The following DET1 variants were observed in gnomAD, a reference collection of about 807,000 sequenced individuals.
DET1 encodes DET1 partner of COP1 E3 ubiquitin ligase, also known as DET1 homolog.
Under a neutral mutation model 43.7 loss-of-function variants are expected in DET1, and 22 were observed. The ratio of observed to expected loss-of-function variants is 0.50; its 90% CI spans 0.36 to 0.72. The LOEUF is 0.72. Ranked by LOEUF, DET1 falls within the 30% of genes least tolerant of loss-of-function variation. The probability of loss-of-function intolerance (pLI) is 0.00; values close to 1 mark genes in which losing one functional copy is unlikely to be tolerated. For synonymous variants in DET1, 315 were observed against 266.2 expected (o/e 1.18, Z -1.79); for missense variants, 713 against 713.3 (o/e 1.00, Z 0.00).
intron 1 of DET1, among the ~76,000 whole-genome samples, chr15:88,534,930 T>A (rs1430972399): frequency 1.3e-5 from 2 of 152,152 alleles, no homozygotes; most frequent in Non-Finnish European, 2.9e-5. Flanking sequence ...TATGAAGTAC[T>A]AGGAAAAAAC....
intron 4 of DET1, among the ~76,000 whole-genome samples, chr15:88,515,511 C>G (rs1034350989): frequency 8.4e-6 from 1 of 119,094 alleles, no homozygotes; most frequent in Non-Finnish European, 1.6e-5. Context: ...TGCACTCGAG[C>G]CTGGGCAACA....
intron 2 of DET1, 92 bp from the exon 3 acceptor site, chr15:88,527,878 G>C: frequency 9.9e-7 from 1 of 1,008,704 alleles, no homozygotes; most frequent in Non-Finnish European, 1.3e-6. Context: ...AAAATTCAAG[G>C]CATGAATTTT....
intron 4 of DET1, among the ~76,000 whole-genome samples, chr15:88,515,071 C>G (rs1368556912): frequency 6.6e-6 from 1 of 152,140 alleles, no homozygotes; most frequent in African/African-American, 2.4e-5. Context: ...GTTTGACCTT[C>G]TAAATCTCAT....
intron 8 of DET1, chr15:88,503,003 C>T (rs968970784): frequency 1.3e-5 from 2 of 152,342 alleles, no homozygotes; most frequent in African/African-American, 4.8e-5. Flanking sequence ...CAGGGTCACA[C>T]CTGTAATCCC....
chr15:88,502,277 T>G (rs1445333314), intron 8 of DET1: 1 of 152,240 alleles, frequency 6.6e-6, no homozygotes, highest in Non-Finnish European at 1.5e-5. Flanking sequence ...TTCATTCACT[T>G]TTTCATTCCG....
At position 88,544,551 on chromosome 15, in the gene DET1, C is replaced by T. The variant is rs575328983; in HGVS notation, c.-11+1989G>A. On this transcript the variant is annotated intron_variant, in intron 1 of 4. Transcript: ENST00000268148. ...CAATTCCTAACCAGACGGGGTCCTG[C>T]CATTCGTTCCAGCCAGGAGAACTAG... 2.6e-5 allele frequency among the ~76,000 whole-genome samples: 4 copies of T among 152,306 alleles called. No individual in the cohort carries two copies. In the East Asian group the frequency reaches 7.7e-4, roughly 29 times the overall value.
At chr15:88,518,188 C>T (rs534794551) in intron 3 of DET1, among the ~76,000 whole-genome samples, 1 of 151,922 alleles carries the variant, frequency 6.6e-6, no homozygotes, top group Non-Finnish European at 1.5e-5. Context: ...GCGATCCACC[C>T]ACCTCAGCCT....
intron 3 of DET1, among the ~76,000 whole-genome samples, chr15:88,524,424 G>A (rs1001639756): frequency 1.3e-5 from 2 of 152,246 alleles, no homozygotes; most frequent in African/African-American, 2.4e-5. Flanking sequence ...GAAGTGAGGA[G>A]CCCCTCTGCC....
chr15:88,509,111 G>T (rs2056171226), downstream of DET1, among the ~76,000 whole-genome samples: 1 of 152,210 alleles, frequency 6.6e-6, no homozygotes, highest in Non-Finnish European at 1.5e-5. Context: ...GTTCCCACCT[G>T]ATTCTATTTC....
intron 3 of DET1, among the ~76,000 whole-genome samples, chr15:88,518,105 A>AT (rs11327620): frequency 0.42 from 55,434 of 133,236 alleles, 12,316 homozygotes; most frequent in East Asian, 0.64. Flanking sequence ...CACCCAGCTA[A>AT]TTTTTTTTTT....
In DET1 at chr15:88,513,047, G is replaced by T; in HGVS notation, c.1557C>A (p.Ala519=). ...PINHTVRRLV[A]FTFHPFEPFA... ...AAGGCTCAAAAGGGTGAAAGGTGAA[G>T]GCAACAAGGCGTCGCACTGTGTGGT... Residue 519 remains alanine (A), a synonymous_variant, in exon 5 of 5, where the codon GCC becomes GCA. Transcript: ENST00000268148. The T allele has an allele frequency of 6.2e-7, 1 of 1,614,082 alleles. No homozygotes were observed. The highest frequency in any genetic ancestry group is 8.5e-7 in the Non-Finnish European group (1 of 1,179,908).
At chr15:88,510,387 G>A (rs182445259), downstream of DET1, among the ~76,000 whole-genome samples, 26 of 152,300 alleles carry the variant, frequency 1.7e-4, no homozygotes, top group East Asian at 5.0e-3. Flanking sequence ...CACACTCCAT[G>A]CTCTTTCCAC....
chr15:88,541,786 TC>T (rs1332475210), intron 1 of DET1, among the ~76,000 whole-genome samples: 1 of 152,186 alleles, frequency 6.6e-6, no homozygotes, highest in Non-Finnish European at 1.5e-5. Flanking sequence ...TCCAAAGTCC[TC>T]CTGAACCAGG....
chr15:88,513,961 G>A (rs1162697416), intron 4 of DET1, among the ~76,000 whole-genome samples: 1 of 150,034 alleles, frequency 6.7e-6, no homozygotes, highest in East Asian at 1.9e-4. Flanking sequence ...TACCACGCCC[G>A]GCTAATTTTT....
chr15:88,514,210 T>C (rs550090640), intron 4 of DET1, among the ~76,000 whole-genome samples: 1 of 152,312 alleles, frequency 6.6e-6, no homozygotes, highest in East Asian at 1.9e-4. Context: ...CCTCCTAGTA[T>C]TTAAATGCCT....
At chr15:88,508,596 A>T (rs1384207382), downstream of DET1, among the ~76,000 whole-genome samples, 1 of 152,190 alleles carries the variant, frequency 6.6e-6, no homozygotes, top group Non-Finnish European at 1.5e-5. Flanking sequence ...CAAATCAGCT[A>T]TGTCCAATAT....
intron 1 of DET1, among the ~76,000 whole-genome samples, chr15:88,543,218 T>G (rs1287395323): frequency 6.6e-6 from 1 of 152,186 alleles, no homozygotes; most frequent in Non-Finnish European, 1.5e-5. Flanking sequence ...AGACACCCAA[T>G]GGCTTATTTA....
intron 3 of DET1, among the ~76,000 whole-genome samples, chr15:88,517,224 G>GTT (rs397854316): frequency 0.066 from 8,526 of 129,570 alleles, 381 homozygotes; most frequent in African/African-American, 0.094. Context: ...TGGGTTTTGG[G>GTT]TTTTTTTTTT....
intron 2 of DET1, among the ~76,000 whole-genome samples, chr15:88,529,056 G>A (rs1390337469): frequency 1.3e-5 from 2 of 152,196 alleles, no homozygotes; most frequent in Admixed American, 6.5e-5. Flanking sequence ...AACTGTGTAA[G>A]CAAAGCATAG....
Sources: allele counts gnomAD v4.1 joint callset (sites outside exome capture counted in the v4.1 genomes callset), GRCh38; gene constraint gnomAD v4.1.1; transcripts MANE v1.5; gene names NCBI Gene and HGNC (gene_info 2026-07-23, HGNC 2026-07-21).